Variants in ATF7 observed in about 807,000 individuals in gnomAD.
ATF7 encodes the protein activating transcription factor 7.
In ATF7, 10 loss-of-function variants were observed where a neutral mutation model predicts 50.4. The ratio of observed to expected loss-of-function variants is 0.20; its 90% CI spans 0.12 to 0.34. The LOEUF (loss-of-function observed/expected upper bound fraction) is 0.34. Ranked by LOEUF, ATF7 falls within the 10% of genes least tolerant of loss-of-function variation. The pLI is 1.00. For synonymous variants in ATF7, 201 were observed against 226.4 expected (o/e 0.89, Z 1.01); for missense variants, 465 against 613.9 (o/e 0.76, Z 2.56).
chr12:53,526,352 G>C (rs555213389), intron 9 of ATF7, among the ~76,000 whole-genome samples: 1 of 151,880 alleles, frequency 6.6e-6, no homozygotes, highest in African/African-American at 2.4e-5. Context: ...ATGCGAAGAT[G>C]ATGAGGAGGA....
At chr12:53,528,172 T>C (rs1938592711) in intron 9 of ATF7, among the ~76,000 whole-genome samples, 1 of 152,050 alleles carries the variant, frequency 6.6e-6, no homozygotes, top group South Asian at 2.1e-4. Context: ...CAGACTAATA[T>C]TATCTCTCCC....
At chr12:53,551,638 C>G (rs1171327398) in intron 3 of ATF7, among the ~76,000 whole-genome samples, 2 of 152,220 alleles carry the variant, frequency 1.3e-5, no homozygotes, top group South Asian at 4.1e-4. Context: ...TGGTAAGTCC[C>G]TTTCATCATG....
At position 53,524,603 on chromosome 12, in the gene ATF7, C is replaced by T; in HGVS notation, c.1086G>A (p.Lys362=). ...TCTGAGAAGTGAGTTCTTCGGCCTT[C>T]TTCTCTAGGGAGGACACCCACAGCT... is the stretch of plus-strand genomic sequence containing the variant. The part of the protein sequence containing the change: ...KRKLWVSSLE[K]KAEELTSQNI... The change falls in exon 10 of 12, where the codon AAG becomes AAA. Residue 362 remains lysine, a synonymous_variant. Transcript: ENST00000420353. This position sits in a 1 kb window ranked among gnomAD's most constrained non-coding sequence, Gnocchi z 4.6. 1.2e-6 allele frequency: 2 copies of T among 1,614,004 alleles called. No individual in the cohort carries two copies. The highest frequency in any genetic ancestry group is 2.2e-5 in the East Asian group (1 of 44,896).
rs189947773 is a variant in ATF7 at position 53,535,356 on chromosome 12, G to A, written c.403-697C>T. ...AAAAAAAAAAAAAAAGAAAAGGGAG[G>A]AGATGGGATGGTTGTAATGTTTATG... is the stretch of plus-strand genomic sequence containing the variant. On this transcript the variant is annotated intron_variant, in intron 5 of 11. Transcript: ENST00000420353. 5.5e-4 allele frequency among the ~76,000 whole-genome samples: 77 copies of A among 140,746 alleles called. 1 individual carries two copies. The highest frequency in any genetic ancestry group is 2.2e-3 in the African/African-American group (76 of 34,602). 92.3% of individuals were successfully genotyped at this position (140,746 alleles called of 152,430 possible). A position where few individuals can be genotyped will look rare whatever the true frequency, so the allele number is the denominator to read the frequency against.
chr12:53,522,195 A>G (rs1393797929), intron 11 of ATF7, among the ~76,000 whole-genome samples: 10 of 152,302 alleles, frequency 6.6e-5, no homozygotes, highest in African/African-American at 2.4e-4. Context: ...GATAAAATGT[A>G]CCCTATATCC....
chr12:53,616,743 G>A (rs1286136551), intron 1 of ATF7, among the ~76,000 whole-genome samples: 1 of 150,666 alleles, frequency 6.6e-6, no homozygotes, highest in Non-Finnish European at 1.5e-5. Context: ...AGGAGTTCGA[G>A]ACCAGCCTGG....
At chr12:53,576,852 A>ATC (rs1565970238) in intron 2 of ATF7, among the ~76,000 whole-genome samples, 1 of 151,942 alleles carries the variant, frequency 6.6e-6, no homozygotes, top group African/African-American at 2.4e-5. Context: ...GTCAGGAGTT[A>ATC]AAGACCAGCC....
At chr12:53,575,407 TAAAA>T (rs554041037) in intron 2 of ATF7, among the ~76,000 whole-genome samples, 2 of 121,790 alleles carry the variant, frequency 1.6e-5, no homozygotes. Context: ...AACTCTGTCT[TAAAA>T]AAAAAAAAAA....
chr12:53,554,429 C>T (rs1417948779), intron 2 of ATF7, among the ~76,000 whole-genome samples: 2 of 151,532 alleles, frequency 1.3e-5, no homozygotes, highest in African/African-American at 4.8e-5. Context: ...CCATGCCCAG[C>T]AACAGAAAAC....
intron 9 of ATF7, chr12:53,525,026 C>A: frequency 2.7e-6 from 1 of 375,020 alleles, no homozygotes; most frequent in East Asian, 4.7e-5. Flanking sequence ...GACAGACAGA[C>A]AAATGAAACC....
intron 2 of ATF7, among the ~76,000 whole-genome samples, chr12:53,587,672 A>C (rs1942754778): frequency 7.7e-6 from 1 of 129,850 alleles, no homozygotes; most frequent in Non-Finnish European, 1.6e-5. Flanking sequence ...TAGAGCGATC[A>C]AAAAAAAAAA....
intron 5 of ATF7, 106 bp downstream of exon 5, chr12:53,537,309 T>G: frequency 7.3e-7 from 1 of 1,369,778 alleles, no homozygotes; most frequent in Admixed American, 2.3e-5. Context: ...GCTCAAGTGA[T>G]TCTCCCATCT....
At position 53,513,745 on chromosome 12, in the gene ATF7, T is replaced by C. The variant is rs1333518010; in HGVS notation, c.*3392A>G. On this transcript the variant is annotated 3_prime_UTR_variant, in exon 12 of 12. Transcript: ENST00000420353. ...AGCACCTTTAAGGAGCCTCTCAGTG[T>C]GGAGCAGGGGAGCCCCAGAAACCAC... The C allele has an allele frequency of 6.6e-6, 1 of 152,192 alleles. No individual in the cohort carries two copies. The highest frequency in any genetic ancestry group is 1.5e-5 in the Non-Finnish European group (1 of 68,066). The allele number at this position is 152,192 out of a possible 1,614,324, so 9.4% of individuals were successfully genotyped here. A position where few individuals can be genotyped will look rare whatever the true frequency, so the allele number is the denominator to read the frequency against.
chr12:53,621,786 C>T (rs866011171), intron 1 of ATF7, among the ~76,000 whole-genome samples: 66 of 93,638 alleles, frequency 7.0e-4, no homozygotes, highest in Middle Eastern at 7.5e-3. Flanking sequence ...AAGACTCTGT[C>T]TCAAAAAAAA....
chr12:53,575,468 C>G (rs1397588139), intron 2 of ATF7: 1 of 148,452 alleles, frequency 6.7e-6, no homozygotes, highest in Non-Finnish European at 1.5e-5. Flanking sequence ...CCCAGCTACT[C>G]AGGAGGCCAA....
chr12:53,547,467 G>A (rs1192704225), intron 3 of ATF7, among the ~76,000 whole-genome samples: 2 of 151,242 alleles, frequency 1.3e-5, no homozygotes, highest in Non-Finnish European at 2.9e-5. Flanking sequence ...TGTATTTTTA[G>A]TAGAGACAGG....
intron 1 of ATF7, among the ~76,000 whole-genome samples, chr12:53,615,543 T>C (rs1389182256): frequency 6.6e-6 from 1 of 152,134 alleles, no homozygotes; most frequent in Non-Finnish European, 1.5e-5. Context: ...TCATTTACAG[T>C]AATTACGTCA....
chr12:53,550,387 AGAG>A (rs1940284187), intron 3 of ATF7, among the ~76,000 whole-genome samples: 2 of 150,250 alleles, frequency 1.3e-5, no homozygotes, highest in Admixed American at 6.6e-5. Flanking sequence ...AAATAAATAA[AGAG>A]AAAACAGGAA....
intron 3 of ATF7, among the ~76,000 whole-genome samples, chr12:53,545,266 A>G (rs559255395): frequency 1.3e-5 from 2 of 152,280 alleles, no homozygotes; most frequent in East Asian, 1.9e-4. Flanking sequence ...GACTGCAAAT[A>G]TATCAGAGAA....
Sources: allele counts gnomAD v4.1 joint callset (sites outside exome capture counted in the v4.1 genomes callset), GRCh38; gene constraint gnomAD v4.1.1; non-coding constraint Gnocchi (gnomAD v3.1); transcripts MANE v1.5; gene names NCBI Gene and HGNC (gene_info 2026-07-23, HGNC 2026-07-21).